Variants in VPS13A observed in about 807,000 individuals in gnomAD.
VPS13A encodes vacuolar protein sorting 13 homolog A.
A neutral mutation model predicts 390.9 loss-of-function variants in VPS13A; 264 were observed. That is an observed-to-expected ratio of 0.68 (90% CI 0.61 to 0.75). The LOEUF is 0.75. VPS13A is among the 30% of genes least tolerant of loss of function. The probability of loss-of-function intolerance (pLI) is 0.00; values close to 1 mark genes in which losing one functional copy is unlikely to be tolerated. For synonymous variants in VPS13A, 1,231 were observed against 1,227.1 expected (o/e 1.00, Z -0.07); for missense variants, 3,409 against 3,733.9 (o/e 0.91, Z 2.27).
At chr9:77,236,825 G>A (rs1824175383) in intron 17 of VPS13A, among the ~76,000 whole-genome samples, 1 of 152,184 alleles carries the variant, frequency 6.6e-6, no homozygotes, top group Admixed American at 6.5e-5. Context: ...GTAACGTGGT[G>A]TGGGGATTAG....
chr9:77,384,940 T>C, intron 68 of VPS13A: 2 of 1,258,598 alleles, frequency 1.6e-6, no homozygotes, highest in Non-Finnish European at 2.0e-6. Context: ...ATTGCATAGT[T>C]TGTCTTTAAG....
At chr9:77,243,611 T>C (rs1824634000) in intron 19 of VPS13A, among the ~76,000 whole-genome samples, 2 of 152,182 alleles carry the variant, frequency 1.3e-5, no homozygotes, top group Non-Finnish European at 2.9e-5. Flanking sequence ...TCTGATAGGA[T>C]CATAGTGAAT....
intron 19 of VPS13A, among the ~76,000 whole-genome samples, chr9:77,238,796 G>C (rs2085956888): frequency 6.6e-6 from 1 of 152,154 alleles, no homozygotes; most frequent in Non-Finnish European, 1.5e-5. Flanking sequence ...ATATTTGGCA[G>C]AGCTTAATGG....
At chr9:77,266,790 A>G (rs781315966) in intron 23 of VPS13A, among the ~76,000 whole-genome samples, 10 of 152,082 alleles carry the variant, frequency 6.6e-5, no homozygotes, top group Non-Finnish European at 1.0e-4. Context: ...CGTCACTTTC[A>G]GGTACACCAG....
intron 1 of VPS13A, among the ~76,000 whole-genome samples, chr9:77,186,789 G>C (rs1036352242): frequency 2.6e-5 from 4 of 152,038 alleles, no homozygotes; most frequent in Non-Finnish European, 5.9e-5. Flanking sequence ...CTTACATTGT[G>C]CAACCATCAC....
intron 54 of VPS13A, 31 bp from the exon 55 acceptor site, chr9:77,356,683 A>G (rs1310644400): frequency 6.4e-7 from 1 of 1,570,136 alleles, no homozygotes; most frequent in East Asian, 2.4e-5. Flanking sequence ...ACTTAGTATT[A>G]AATACTATGA....
At chr9:77,288,388 C>G (rs1183589681) in intron 31 of VPS13A, among the ~76,000 whole-genome samples, 1 of 152,100 alleles carries the variant, frequency 6.6e-6, no homozygotes, top group Non-Finnish European at 1.5e-5. Flanking sequence ...GAATGTCTTT[C>G]TGTTGTAAGC....
At chr9:77,338,528 C>T (rs1035462672) in intron 47 of VPS13A, 3 of 152,044 alleles carry the variant, frequency 2.0e-5, no homozygotes, top group African/African-American at 7.3e-5. Context: ...TTGGTTAAGA[C>T]ATGGGGGAAA....
chr9:77,208,417 A>C (rs1356344429), intron 5 of VPS13A, among the ~76,000 whole-genome samples: 2 of 152,196 alleles, frequency 1.3e-5, no homozygotes, highest in Admixed American at 6.5e-5. Context: ...ATATGAAAAG[A>C]GGAACAGAAT....
chr9:77,362,281 C>G (rs923488255), intron 59 of VPS13A, among the ~76,000 whole-genome samples: 4 of 152,128 alleles, frequency 2.6e-5, no homozygotes, highest in African/African-American at 9.7e-5. Context: ...AGATCTAGCT[C>G]TTATGATTAG....
chr9:77,234,826 T>G (rs914743657), intron 17 of VPS13A, among the ~76,000 whole-genome samples: 1 of 152,144 alleles, frequency 6.6e-6, no homozygotes, highest in African/African-American at 2.4e-5. Context: ...AAACATATTT[T>G]AGTCATTTTG....
chr9:77,320,546 C>T (rs188779878), intron 42 of VPS13A, among the ~76,000 whole-genome samples: 1 of 152,182 alleles, frequency 6.6e-6, no homozygotes, highest in East Asian at 1.9e-4. Context: ...GGCTTAAAGC[C>T]AGTTAAAGTA....
At chr9:77,412,614 T>C (rs1447921440) in intron 71 of VPS13A, among the ~76,000 whole-genome samples, 2 of 152,170 alleles carry the variant, frequency 1.3e-5, no homozygotes, top group Non-Finnish European at 2.9e-5. Flanking sequence ...TAATAAGAGC[T>C]ATCTATGACA....
At chr9:77,353,675 G>A in intron 54 of VPS13A, 34 bp downstream of exon 54, 1 of 1,539,756 alleles carries the variant, frequency 6.5e-7, no homozygotes, top group Non-Finnish European at 9.0e-7. Flanking sequence ...ACATTTAAAT[G>A]ATCAGTTTCT....
At chr9:77,223,952 G>A (rs1005362282) in intron 13 of VPS13A, among the ~76,000 whole-genome samples, 9 of 152,098 alleles carry the variant, frequency 5.9e-5, no homozygotes, top group East Asian at 1.9e-4. Flanking sequence ...AGATGCTGAC[G>A]TAGCTAGTGA....
At chr9:77,403,344 C>A (rs199917382) in intron 69 of VPS13A, 23 bp downstream of exon 69, 1 of 1,586,782 alleles carries the variant, frequency 6.3e-7, no homozygotes, top group Non-Finnish European at 8.6e-7. Context: ...CTTTCTCTTA[C>A]GTAATTTTAT....
rs561226132 is a variant in VPS13A at position 77,406,100 on chromosome 9, G to A, written c.9399+113G>A. ...CTTTTATAGATGTCACTTTGTCCTG[G>A]TGTGGTTTTCCCTTATACCTGCTAT... is the stretch of plus-strand genomic sequence containing the variant. On this transcript the variant is annotated intron_variant, in intron 70 of 71. Transcript: ENST00000360280. 2.5e-4 allele frequency: 358 copies of A among 1,451,176 alleles called. No homozygotes were observed. The Admixed American group carries it at 2.8e-3, about 11-fold the overall frequency. The allele number at this position is 1,451,176 out of a possible 1,614,324, so 89.9% of individuals were successfully genotyped here.
chr9:77,401,177 T>C (rs1834375003), intron 68 of VPS13A, among the ~76,000 whole-genome samples: 1 of 152,228 alleles, frequency 6.6e-6, no homozygotes, highest in Non-Finnish European at 1.5e-5. Context: ...ATTGCATTAA[T>C]GTCTTCCAGA....
At position 77,357,192 on chromosome 9, in the gene VPS13A, G is replaced by A. The variant is rs949936148; in HGVS notation, c.7806+325G>A. 4.6e-5 allele frequency among the ~76,000 whole-genome samples: 7 copies of A among 150,708 alleles called. No individual in the cohort carries two copies. The East Asian group carries it at 7.8e-4, about 17-fold the overall frequency. ...AAATTAGCCAGGCATGGTGGCAGGC[G>A]CCTGTAATCCCCGCTATTCAGGAGG... On this transcript the variant is annotated intron_variant, in intron 55 of 71. Transcript: ENST00000360280.
Sources: allele counts gnomAD v4.1 joint callset (sites outside exome capture counted in the v4.1 genomes callset), GRCh38; gene constraint gnomAD v4.1.1; transcripts MANE v1.5; gene names NCBI Gene and HGNC (gene_info 2026-07-23, HGNC 2026-07-21).